The following RPS6KC1 variants were observed in gnomAD, a reference collection of about 807,000 sequenced individuals.
The protein encoded by RPS6KC1 is inactive ribosomal protein S6 kinase delta-1.
A neutral mutation model predicts 103.8 loss-of-function variants in RPS6KC1; 54 were observed. That is an observed-to-expected ratio of 0.52 (90% confidence interval 0.42 to 0.65). The LOEUF is 0.65. RPS6KC1 is among the 30% of genes least tolerant of loss of function. RPS6KC1 has a pLI of 0.00. For missense variants in RPS6KC1, 1,151 were observed against 1,253.8 expected (o/e 0.92, Z 1.24); for synonymous variants, 439 against 438.7 (o/e 1.00, Z -0.01).
the RPS6KC1 span, among the ~76,000 whole-genome samples, chr1:213,428,396 T>C: frequency 3.4e-5 from 5 of 148,020 alleles, no homozygotes; most frequent in Non-Finnish European, 7.5e-5. Context: ...CCTCCCTCTC[T>C]CTCCACCTCC....
intron 3 of RPS6KC1, among the ~76,000 whole-genome samples, chr1:213,102,019 AT>A (rs1365063851): frequency 2.6e-5 from 4 of 152,180 alleles, no homozygotes; most frequent in African/African-American, 9.7e-5. Context: ...GAGTAGTGTC[AT>A]TTTAGATTTG....
chr1:213,147,296 A>T (rs1001164299), intron 6 of RPS6KC1, among the ~76,000 whole-genome samples: 1 of 152,086 alleles, frequency 6.6e-6, no homozygotes, highest in Non-Finnish European at 1.5e-5. Context: ...GATTTTCCCC[A>T]ATGTTTTGTT....
chr1:213,756,764 A>G, the RPS6KC1 span, among the ~76,000 whole-genome samples: 2 of 151,912 alleles, frequency 1.3e-5, no homozygotes, highest in East Asian at 3.9e-4. Context: ...CTACAGGCAC[A>G]CACCACTGCA....
the RPS6KC1 span, among the ~76,000 whole-genome samples, chr1:213,345,510 G>C: frequency 6.6e-6 from 1 of 152,200 alleles, no homozygotes. Flanking sequence ...CTGAGGCTCT[G>C]TGGTTTCTTC....
the RPS6KC1 span, among the ~76,000 whole-genome samples, chr1:213,400,014 G>A: frequency 6.6e-5 from 10 of 152,182 alleles, no homozygotes; most frequent in Non-Finnish European, 1.3e-4. Flanking sequence ...GGAGGGCTGG[G>A]CGCCGAATCA....
chr1:213,679,780 C>G, the RPS6KC1 span, among the ~76,000 whole-genome samples: 5 of 152,114 alleles, frequency 3.3e-5, no homozygotes, highest in Non-Finnish European at 5.9e-5. Context: ...AGAGAGCTTG[C>G]TACATAGGAC....
chr1:213,542,348 C>T, the RPS6KC1 span, among the ~76,000 whole-genome samples: 6,906 of 152,280 alleles, frequency 0.045, 514 homozygotes, highest in African/African-American at 0.16. Context: ...GCATACATGT[C>T]CTGCAGGGAG....
chr1:213,696,750 T>C, the RPS6KC1 span, among the ~76,000 whole-genome samples: 1 of 152,198 alleles, frequency 6.6e-6, no homozygotes, highest in Admixed American at 6.5e-5. Flanking sequence ...CAAAGTGTTT[T>C]TTCCTATTCT....
At chr1:213,688,650 A>G in the RPS6KC1 span, among the ~76,000 whole-genome samples, 1 of 152,178 alleles carries the variant, frequency 6.6e-6, no homozygotes, top group Non-Finnish European at 1.5e-5. Context: ...CCTTACATTC[A>G]ACTCCCCAAC....
At chr1:213,482,715 A>G in the RPS6KC1 span, among the ~76,000 whole-genome samples, 1 of 151,382 alleles carries the variant, frequency 6.6e-6, no homozygotes, top group Non-Finnish European at 1.5e-5. Flanking sequence ...CGCCCAGCTA[A>G]TTTTTGTATT....
At chr1:213,168,491 A>T (rs2148186660) in intron 7 of RPS6KC1, among the ~76,000 whole-genome samples, 1 of 152,314 alleles carries the variant, frequency 6.6e-6, no homozygotes, top group South Asian at 2.1e-4. Flanking sequence ...GCAGGTTATT[A>T]TTGTTTTTAT....
intron 5 of RPS6KC1, among the ~76,000 whole-genome samples, chr1:213,128,460 A>C (rs1259441345): frequency 6.6e-6 from 1 of 152,210 alleles, no homozygotes; most frequent in Non-Finnish European, 1.5e-5. Context: ...TAGAGTCCAC[A>C]ATCATTTTGA....
intron 3 of RPS6KC1, among the ~76,000 whole-genome samples, chr1:213,094,773 AC>A (rs1255546263): frequency 3.9e-5 from 6 of 152,202 alleles, no homozygotes; most frequent in African/African-American, 1.4e-4. Flanking sequence ...AGACAAGATC[AC>A]TCCATGTCCT....
chr1:213,848,615 T>C, the RPS6KC1 span, among the ~76,000 whole-genome samples: 1 of 152,116 alleles, frequency 6.6e-6, no homozygotes, highest in Admixed American at 6.5e-5. Flanking sequence ...ATATATTAAT[T>C]TCCCCAAGAA....
chr1:213,201,922 C>G (rs1257627855), intron 8 of RPS6KC1, among the ~76,000 whole-genome samples: 1 of 151,730 alleles, frequency 6.6e-6, no homozygotes, highest in African/African-American at 2.4e-5. Flanking sequence ...GCTAGCTATT[C>G]CAGATGTGGG....
chr1:213,544,501 G>A, the RPS6KC1 span, among the ~76,000 whole-genome samples: 1 of 152,214 alleles, frequency 6.6e-6, no homozygotes, highest in African/African-American at 2.4e-5. Flanking sequence ...TGCTGTGGCT[G>A]TTTGCTGGAG....
At chr1:213,614,022 G>A in the RPS6KC1 span, among the ~76,000 whole-genome samples, 1 of 152,234 alleles carries the variant, frequency 6.6e-6, no homozygotes, top group Non-Finnish European at 1.5e-5. Context: ...AAGACGACCA[G>A]TGAGGTTCTG....
chr1:213,284,592 T>A, the RPS6KC1 span, among the ~76,000 whole-genome samples: 7 of 150,824 alleles, frequency 4.6e-5, no homozygotes, highest in East Asian at 3.9e-4. Context: ...ATTTAAAAAA[T>A]TTTTTAAGTA....
chr1:213,813,028 G>A, the RPS6KC1 span, among the ~76,000 whole-genome samples: 10 of 152,034 alleles, frequency 6.6e-5, no homozygotes, highest in Non-Finnish European at 7.4e-5. Context: ...TGAGAAGGGC[G>A]GATCACGAGG....
Sources: gnomAD v4.1 joint callset for allele counts (sites outside exome capture counted in the v4.1 genomes callset) on GRCh38, gnomAD v4.1.1 for gene constraint, MANE v1.5 for transcripts, NCBI Gene and HGNC (gene_info 2026-07-23, HGNC 2026-07-21) for gene names.